The following UBA6 variants were observed in gnomAD, a reference collection of about 807,000 sequenced individuals.
UBA6 encodes ubiquitin like modifier activating enzyme 6, also known as ubiquitin-like modifier-activating enzyme 6.
In UBA6, 87 loss-of-function variants were observed where a neutral mutation model predicts 148.3. That is an observed-to-expected ratio of 0.59 (90% CI 0.49 to 0.70). UBA6 has a LOEUF of 0.70. Among genes scored for constraint, UBA6 ranks in the 30% least tolerant of loss-of-function variants. The pLI is 0.00. For missense variants in UBA6, 1,186 were observed against 1,241.2 expected (o/e 0.96, Z 0.67); for synonymous variants, 376 against 401.0 (o/e 0.94, Z 0.75).
rs750782079 is a variant in UBA6 at position 67,678,543 on chromosome 4, A to C, written c.259-10T>G. 3.2e-6 allele frequency: 5 copies of C among 1,559,584 alleles called. No individual in the cohort carries two copies. The African/African-American group carries it at 6.8e-5, about 21-fold the overall frequency. On this transcript the variant is annotated splice_polypyrimidine_tract_variant and intron_variant, in intron 4 of 32. Transcript: ENST00000322244. Reference sequence around the variant, plus strand: ...CATGAATTGTAACTGCCTTCAAAAAAGAAAAAAGTATTGGTTGAAGTCAGG... The same window carrying C: ...CATGAATTGTAACTGCCTTCAAAAACGAAAAAAGTATTGGTTGAAGTCAGG...
intron 17 of UBA6, among the ~76,000 whole-genome samples, chr4:67,644,336 C>T (rs766285646): frequency 1.3e-5 from 2 of 152,088 alleles, no homozygotes; most frequent in African/African-American, 2.4e-5. Flanking sequence ...CTTCAGTTAT[C>T]TTAAACATTT....
chr4:67,678,626 T>C (rs1471297824), intron 4 of UBA6, 93 bp from the exon 5 acceptor site: 1 of 540,798 alleles, frequency 1.8e-6, no homozygotes, highest in Non-Finnish European at 3.2e-6. Context: ...ACTATTATTT[T>C]GTGTAATTAG....
At position 67,681,602 on chromosome 4, in the gene UBA6, A is replaced by G; in HGVS notation, c.230-11T>C. 1 of 1,577,366 alleles carries G rather than the reference A, an allele frequency of 6.3e-7. No individual in the cohort carries two copies. Among genetic ancestry groups the G allele is most frequent in the Non-Finnish European group, 8.6e-7 (1 of 1,165,146 alleles). On this transcript the variant is annotated splice_polypyrimidine_tract_variant and intron_variant, in intron 3 of 32. Transcript: ENST00000322244. ...GAACAAGATTCTTTGCTAGAAAGGC[A>G]AAAGAAAAAGGAATAGCTCAATATT...
Position 67,626,348 on chromosome 4 carries a change from A to AT in UBA6, c.2518+11dup. On this transcript the variant is annotated intron_variant, in intron 28 of 32. Transcript: ENST00000322244. ...TCCAGTTCAAAACATTTTTATAAAGATTTTCCCTTACTTTTGGTGGCTTCA... is the reference window on the plus strand; with the variant it reads ...TCCAGTTCAAAACATTTTTATAAAGATTTTTCCCTTACTTTTGGTGGCTTCA... The AT allele has an allele frequency of 6.4e-7, 1 of 1,557,396 alleles. No homozygotes were observed. Among genetic ancestry groups the AT allele is most frequent in the Non-Finnish European group, 8.8e-7 (1 of 1,130,400 alleles).
chr4:67,615,952 A>G lies in UBA6; in HGVS notation c.*3045T>C. On this transcript the variant is annotated 3_prime_UTR_variant, in exon 33 of 33. Transcript: ENST00000322244. The stretch of plus-strand genomic sequence containing the variant: ...ATGTGTAATTTCTGAACTGCTGTCA[A>G]TATATTCTACTAAGCTGAGTGCTAG... 2.8e-6 allele frequency: 1 copy of G among 353,710 alleles called. No homozygotes were observed. The highest frequency in any genetic ancestry group is 5.1e-6 in the Non-Finnish European group (1 of 197,416). The allele number at this position is 353,710 out of a possible 1,614,324, so 21.9% of individuals were successfully genotyped here. A position where few individuals can be genotyped will look rare whatever the true frequency, so the allele number is the denominator to read the frequency against.
intron 27 of UBA6, among the ~76,000 whole-genome samples, chr4:67,627,088 C>T (rs775745100): frequency 1.3e-5 from 2 of 151,914 alleles, no homozygotes; most frequent in Admixed American, 1.3e-4. Context: ...GGAGTACATA[C>T]CACAAGTAAT....
chr4:67,688,836 A>C (rs1316691407), intron 2 of UBA6, among the ~76,000 whole-genome samples: 3 of 152,172 alleles, frequency 2.0e-5, no homozygotes, highest in African/African-American at 7.2e-5. Flanking sequence ...ATTGTTTAGA[A>C]GGAAAATTAT....
chr4:67,622,214 T>C (rs1036848838), intron 32 of UBA6, among the ~76,000 whole-genome samples: 1 of 152,232 alleles, frequency 6.6e-6, no homozygotes, highest in African/African-American at 2.4e-5. Context: ...TCTTTGGTTC[T>C]TTCTTCCTTT....
At chr4:67,693,042 A>G (rs1441927684) in intron 2 of UBA6, among the ~76,000 whole-genome samples, 2 of 152,194 alleles carry the variant, frequency 1.3e-5, no homozygotes, top group Non-Finnish European at 2.9e-5. Context: ...AGAAATGAGA[A>G]AGCAAAAAAA....
At chr4:67,648,173 A>G (rs1214964287) in intron 14 of UBA6, among the ~76,000 whole-genome samples, 2 of 151,892 alleles carry the variant, frequency 1.3e-5, no homozygotes, top group African/African-American at 4.8e-5. Flanking sequence ...TACCTTTTAA[A>G]ATATAAAAAA....
At chr4:67,634,196 A>T in intron 22 of UBA6, 46 bp downstream of exon 22, 1 of 1,307,284 alleles carries the variant, frequency 7.6e-7, no homozygotes, top group Non-Finnish European at 1.1e-6. Context: ...ATAAGATTAC[A>T]CTGACACAAA....
rs942137564 is a variant in UBA6, at chr4:67,629,134, T to G, written c.2337A>C (p.Ser779=). 1.2e-6 allele frequency: 2 copies of G among 1,606,098 alleles called. No individual in the cohort carries two copies. Among genetic ancestry groups the G allele is most frequent in the African/African-American group, 2.7e-5 (2 of 74,732 alleles). The change falls in exon 27 of 33, where the codon TCA becomes TCC. Residue 779 remains serine, a synonymous_variant. Transcript: ENST00000322244. ...AAAGAATATTCAAGAGGGCATCTGCTGATAAGTCCTGTTTTTAAAAAAGTA... is the reference window on the plus strand; with the variant it reads ...AAAGAATATTCAAGAGGGCATCTGCGGATAAGTCCTGTTTTTAAAAAAGTA... ...YCIPFAEEDL[S]ADALLNILSE...
chr4:67,619,848 T>C (rs1446765343), intron 32 of UBA6, among the ~76,000 whole-genome samples: 1 of 151,940 alleles, frequency 6.6e-6, no homozygotes, highest in Admixed American at 6.6e-5. Flanking sequence ...TTAAATGAAG[T>C]CATCATCTAC....
intron 16 of UBA6, among the ~76,000 whole-genome samples, 185 bp from the exon 17 acceptor site, chr4:67,644,963 AT>A (rs1443612129): frequency 6.6e-6 from 1 of 152,226 alleles, no homozygotes; most frequent in Non-Finnish European, 1.5e-5. Context: ...TCCAAATAAA[AT>A]TTAAACATTG....
At chr4:67,697,207 G>T (rs796286012) in intron 1 of UBA6, among the ~76,000 whole-genome samples, 42 of 152,282 alleles carry the variant, frequency 2.8e-4, no homozygotes, top group African/African-American at 9.6e-4. Flanking sequence ...GTTTTACCAT[G>T]TTGGCCAGGC....
At chr4:67,643,051 C>T (rs186568421) in intron 17 of UBA6, among the ~76,000 whole-genome samples, 24 of 151,672 alleles carry the variant, frequency 1.6e-4, no homozygotes, top group Admixed American at 1.4e-3. Flanking sequence ...CTTTTTTTCC[C>T]GTTTCTAGCT....
chr4:67,692,118 C>A (rs1448021417), intron 2 of UBA6, among the ~76,000 whole-genome samples: 1 of 151,956 alleles, frequency 6.6e-6, no homozygotes, highest in Non-Finnish European at 1.5e-5. Context: ...ATCACCCAAG[C>A]AGTAAAGCTG....
chr4:67,663,445 A>G, intron 11 of UBA6: 2 of 405,460 alleles, frequency 4.9e-6, no homozygotes. Flanking sequence ...AAAATTTACA[A>G]ATTTGGAAAC....
chr4:67,633,629 CCTTT>C (rs1280663994), intron 22 of UBA6, among the ~76,000 whole-genome samples, 156 bp from the exon 23 acceptor site: 1 of 152,040 alleles, frequency 6.6e-6, no homozygotes, highest in Non-Finnish European at 1.5e-5. Flanking sequence ...TCTTCTTTAA[CCTTT>C]CTTTTCTTTT....
Sources: allele counts gnomAD v4.1 joint callset (sites outside exome capture counted in the v4.1 genomes callset), GRCh38; gene constraint gnomAD v4.1.1; transcripts MANE v1.5; gene names NCBI Gene and HGNC (gene_info 2026-07-23, HGNC 2026-07-21).